L3MBTL2: variants seen among roughly 807,000 people sequenced by gnomAD.
L3MBTL2 encodes lethal(3)malignant brain tumor-like protein 2.
L3MBTL2 carries 49 observed loss-of-function variants against 86.4 expected under a neutral mutation model. The observed-to-expected ratio is 0.57, with a 90% CI of 0.45 to 0.72. The LOEUF is 0.72. Among genes scored for constraint, L3MBTL2 ranks in the 30% least tolerant of loss-of-function variants. The pLI, the probability that L3MBTL2 is intolerant of heterozygous loss-of-function variation, is 0.00. For missense variants in L3MBTL2, 755 were observed against 923.7 expected (o/e 0.82, Z 2.37); for synonymous variants, 336 against 350.6 (o/e 0.96, Z 0.47).
chr22:41,220,800 T>C lies in L3MBTL2; in HGVS notation c.785T>C (p.Leu262Pro). 1 of 1,614,072 alleles carries C rather than the reference T, an allele frequency of 6.2e-7. No individual in the cohort carries two copies. Among genetic ancestry groups the C allele is most frequent in the Non-Finnish European group, 8.5e-7 (1 of 1,179,996 alleles). ...GCCAGCCATGACTTCTGGTGCAACC[T>C]GGGAACAGTGGATGTCCACCCCATT... ...NDASHDFWCNLGTVDVHPIGW... is the reference protein window; with the variant it reads ...NDASHDFWCNPGTVDVHPIGW... The change falls in exon 7 of 17, where the codon CTG (leucine) becomes CCG (proline). Residue 262 changes from leucine (L) to proline (P), a missense_variant. Physicochemically the swap from Leu to Pro is moderately conservative, Grantham distance 98 (BLOSUM62 -3). This residue lies in a region of L3MBTL2 where 634 missense variants were observed against 748.9 expected (regional missense o/e 0.85). Coordinates refer to ENST00000216237, the MANE Select transcript of L3MBTL2 (RefSeq NM_031488.5).
intron 1 of L3MBTL2, among the ~76,000 whole-genome samples, chr22:41,208,652 C>T (rs1265623076): frequency 6.6e-6 from 1 of 152,156 alleles, no homozygotes; most frequent in Non-Finnish European, 1.5e-5. Context: ...CTCTCCCATC[C>T]TCTTTGGAGC....
At chr22:41,229,400 G>C in intron 15 of L3MBTL2, 140 bp from the exon 16 acceptor site, 1 of 835,570 alleles carries the variant, frequency 1.2e-6, no homozygotes, top group Non-Finnish European at 1.8e-6. Flanking sequence ...TGTGTTGTCA[G>C]AGTTGGAGTC....
chr22:41,206,958 T>G (rs534552172), intron 1 of L3MBTL2, among the ~76,000 whole-genome samples: 1 of 152,294 alleles, frequency 6.6e-6, no homozygotes, highest in East Asian at 1.9e-4. Context: ...TGTTACTGAC[T>G]GCTGGAAATA....
intron 3 of L3MBTL2, among the ~76,000 whole-genome samples, chr22:41,215,459 A>G (rs189472277): frequency 2.6e-5 from 4 of 152,356 alleles, no homozygotes; most frequent in Admixed American, 2.6e-4. Flanking sequence ...TTTGCCCTGT[A>G]GGTTTGTTTG....
At position 41,225,856 on chromosome 22, in the gene L3MBTL2, C is replaced by T; in HGVS notation, c.1419C>T (p.Asp473=). The T allele has an allele frequency of 1.9e-6, 3 of 1,614,150 alleles. No individual in the cohort carries two copies. Among genetic ancestry groups the T allele is most frequent in the Non-Finnish European group, 2.5e-6 (3 of 1,180,004 alleles). Residue 473 remains aspartate (D), a synonymous_variant, in exon 12 of 17, where the codon GAC becomes GAT. Coordinates refer to ENST00000216237, the MANE Select transcript of L3MBTL2 (RefSeq NM_031488.5). The surrounding 1 kb of genome is among the most constrained non-coding windows in gnomAD (Gnocchi z 4.1). ...VDGGPSTDGL[D]WFCYHASSHA... ...GGGGGCCCTCCACAGATGGCTTGGA[C>T]TGGTTCTGCTACCATGCCTCTTCCC... is the stretch of plus-strand genomic sequence containing the variant.
intron 15 of L3MBTL2, 152 bp from the exon 16 acceptor site, chr22:41,229,388 G>T: frequency 1.3e-6 from 1 of 748,776 alleles, no homozygotes. Context: ...TAGCCAATAA[G>T]ATGTGTTGTC....
Position 41,205,479 on chromosome 22 carries a change from G to T in L3MBTL2, c.24+93G>T, listed in dbSNP as rs750796852. 5 of 1,403,000 alleles carry T rather than the reference G, an allele frequency of 3.6e-6. No individual in the cohort carries two copies. The East Asian group carries it at 6.8e-5, about 19-fold the overall frequency. 86.9% of individuals were successfully genotyped at this position (1,403,000 alleles called of 1,614,324 possible). ...TTTAGGGCTTTTAGCGACGCCTGGA[G>T]GGTGGAGGGTGGGAGGATGGATAAA... On this transcript the variant is annotated intron_variant, in intron 1 of 16. Coordinates refer to ENST00000216237, the MANE Select transcript of L3MBTL2 (RefSeq NM_031488.5).
intron 1 of L3MBTL2, 133 bp downstream of exon 1, chr22:41,205,519 C>A (rs1248461483): frequency 5.5e-6 from 6 of 1,083,884 alleles, no homozygotes; most frequent in African/African-American, 1.6e-5. Context: ...GGTAGTTAAA[C>A]TGAGCCAGGG....
Position 41,205,398 on chromosome 22 carries a change from A to C in L3MBTL2, c.24+12A>C. 1 of 1,614,196 alleles carries C rather than the reference A, an allele frequency of 6.2e-7. No individual in the cohort carries two copies. Among genetic ancestry groups the C allele is most frequent in the East Asian group, 2.2e-5 (1 of 44,888 alleles). ...CCCGGAGTATTGAGGTGAGAAGGCG[A>C]GGACTTAGCGTGACTGGGAAAGGGA... On this transcript the variant is annotated intron_variant, in intron 1 of 16. Coordinates refer to ENST00000216237, the MANE Select transcript of L3MBTL2 (RefSeq NM_031488.5).
Position 41,224,260 on chromosome 22 carries a change from A to G in L3MBTL2, c.1174+9A>G. 2 of 1,604,116 alleles carry G rather than the reference A, an allele frequency of 1.2e-6. No homozygotes were observed. Among genetic ancestry groups the G allele is most frequent in the Non-Finnish European group, 8.5e-7 (1 of 1,172,068 alleles). On this transcript the variant is annotated intron_variant, in intron 9 of 16. Coordinates refer to ENST00000216237, the MANE Select transcript of L3MBTL2 (RefSeq NM_031488.5). The surrounding 1 kb of genome is among the most constrained non-coding windows in gnomAD (Gnocchi z 4.9). ...CGGCATCAAGATGTCAGGTTAGCAG[A>G]GCCCCAGGCCAGAGGGACTGCATGC... is the stretch of plus-strand genomic sequence containing the variant.
At position 41,224,927 on chromosome 22, in the gene L3MBTL2, G is replaced by A; in HGVS notation, c.1252-40G>A. ...GCCTGCTTCCCTCACCCTTCCTCCT[G>A]GCCTGCCCAGGGAGTCCCCAGCTGT... On this transcript the variant is annotated intron_variant, in intron 10 of 16. Transcript: ENST00000216237. This position sits in a 1 kb window ranked among gnomAD's most constrained non-coding sequence, Gnocchi z 4.9. 1 of 1,592,586 alleles carries A rather than the reference G, an allele frequency of 6.3e-7. No homozygotes were observed. Among genetic ancestry groups the A allele is most frequent in the Non-Finnish European group, 8.6e-7 (1 of 1,161,906 alleles).
In L3MBTL2 at chr22:41,221,117, C is replaced by A. The variant is rs912059872; in HGVS notation, c.854-82C>A. On this transcript the variant is annotated intron_variant, in intron 7 of 16. Coordinates refer to ENST00000216237, the MANE Select transcript of L3MBTL2 (RefSeq NM_031488.5). ...TTTCAGTCCCCACTGCTGAGGGGTCCCCACTCTGGGTCGGCGCTAGCGCCC... is the reference window on the plus strand; with the variant it reads ...TTTCAGTCCCCACTGCTGAGGGGTCACCACTCTGGGTCGGCGCTAGCGCCC... The A allele has an allele frequency of 3.0e-6, 4 of 1,313,864 alleles. No homozygotes were observed. In the Admixed American group the frequency reaches 7.1e-5, roughly 23 times the overall value. 81.4% of individuals were successfully genotyped at this position (1,313,864 alleles called of 1,614,324 possible). A position where few individuals can be genotyped will look rare whatever the true frequency, so the allele number is the denominator to read the frequency against.
In L3MBTL2 at chr22:41,211,557, C is replaced by CTTTCTTTTTTTTTTTTTTTTT. The variant is rs1039028243; in HGVS notation, c.262+1627_262+1628insCTTTTTTTTTTTTTTTTTTTT. Among the ~76,000 whole-genome samples the CTTTCTTTTTTTTTTTTTTTTT allele has an allele frequency of 9.2e-5, 9 of 97,392 alleles. 2 individuals are homozygous for CTTTCTTTTTTTTTTTTTTTTT. Among genetic ancestry groups the CTTTCTTTTTTTTTTTTTTTTT allele is most frequent in the African/African-American group, 1.7e-4 (4 of 23,490 alleles). 63.9% of individuals were successfully genotyped at this position (97,392 alleles called of 152,430 possible). ...ACTCTTTGCAGTTGAATCTTATTTC[C>CTTTCTTTTTTTTTTTTTTTTT]TTTTTTTTTTTTTTTTTGAGACGGA... On this transcript the variant is annotated intron_variant, in intron 2 of 16. Coordinates refer to ENST00000216237, the MANE Select transcript of L3MBTL2 (RefSeq NM_031488.5).
Position 41,227,181 on chromosome 22 carries a change from A to G in L3MBTL2, c.1680A>G (p.Arg560=), listed in dbSNP as rs771729894. ...PRLICVATVK[R]VVHRLLSIHF... ...TCATCTGTGTGGCCACGGTGAAACG[A>G]GTGGTGCATCGGCTCCTCAGCATCC... Residue 560 remains arginine (R), a synonymous_variant, in exon 14 of 17, where the codon CGA becomes CGG. Coordinates refer to ENST00000216237, the MANE Select transcript of L3MBTL2 (RefSeq NM_031488.5). This position sits in a 1 kb window ranked among gnomAD's most constrained non-coding sequence, Gnocchi z 6.0. 7 of 1,613,588 alleles carry G rather than the reference A, an allele frequency of 4.3e-6. No homozygotes were observed. In the African/African-American group the frequency reaches 6.7e-5, roughly 15 times the overall value.
At chr22:41,219,730 TTTTG>T (rs1362955090) in intron 6 of L3MBTL2, among the ~76,000 whole-genome samples, 194 bp downstream of exon 6, 6 of 152,088 alleles carry the variant, frequency 3.9e-5, no homozygotes, top group Admixed American at 3.9e-4. Context: ...CCCCAAATTT[TTTTG>T]TTTGTTTTTG....
At chr22:41,206,928 G>A (rs1275148831) in intron 1 of L3MBTL2, among the ~76,000 whole-genome samples, 1 of 152,130 alleles carries the variant, frequency 6.6e-6, no homozygotes, top group Non-Finnish European at 1.5e-5. Context: ...AATAAGAATA[G>A]CAAGTCACAC....
Position 41,229,592 on chromosome 22 carries a change from G to GC in L3MBTL2, c.1945dup (p.Leu649ProfsTer129), listed in dbSNP as rs1252611045. On this transcript the variant is annotated frameshift_variant, in exon 16 of 17. Transcript: ENST00000216237. LOFTEE classifies it high-confidence loss of function. ...GACCCCTCAGACAGGGGTCCAAGAA[G>GC]CCCCTGCTGGAGGACGACCCTCAGG... 4.3e-6 allele frequency: 7 copies of GC among 1,613,544 alleles called. No homozygotes were observed. Among genetic ancestry groups the GC allele is most frequent in the Admixed American group, 3.3e-5 (2 of 60,006 alleles).
At chr22:41,228,409 G>C in intron 15 of L3MBTL2, 1 of 985,468 alleles carries the variant, frequency 1.0e-6, no homozygotes, top group South Asian at 4.7e-5. Context: ...AGCCCAGCTT[G>C]GGTTCCACTT....
At chr22:41,211,560 T>TC (rs199952487) in intron 2 of L3MBTL2, among the ~76,000 whole-genome samples, 7,695 of 123,316 alleles carry the variant, frequency 0.062, 789 homozygotes, top group East Asian at 0.14. Context: ...TTATTTCCTT[T>TC]TTTTTTTTTT....
Sources: allele counts gnomAD v4.1 joint callset (sites outside exome capture counted in the v4.1 genomes callset), GRCh38; gene constraint gnomAD v4.1.1; regional missense constraint gnomAD v4.1.1; non-coding constraint Gnocchi (gnomAD v3.1); transcripts MANE v1.5; gene names NCBI Gene and HGNC (gene_info 2026-07-23, HGNC 2026-07-21).